SCN2A: variants seen among roughly 807,000 people sequenced by gnomAD.
The protein encoded by SCN2A is sodium voltage-gated channel alpha subunit 2.
In SCN2A, 20 loss-of-function variants were observed where a neutral mutation model predicts 188.7. The observed-to-expected ratio is 0.11, with a 90% confidence interval of 0.07 to 0.15. SCN2A has a LOEUF of 0.15. Ranked by LOEUF, SCN2A falls within the 10% of genes least tolerant of loss-of-function variation. SCN2A has a pLI of 1.00. For synonymous variants in SCN2A, 804 were observed against 833.1 expected (o/e 0.97, Z 0.60); for missense variants, 1,278 against 2,445.0 (o/e 0.52, Z 10.07).
chr2:165,380,795 A>T, intron 24 of SCN2A, 66 bp downstream of exon 24: 2 of 1,287,868 alleles, frequency 1.6e-6, no homozygotes, highest in Non-Finnish European at 2.2e-6. Context: ...TCTTTCCTTT[A>T]GCCTCCAAAA....
Position 165,380,680 on chromosome 2 carries a change from A to G in SCN2A, c.4397A>G (p.Asn1466Ser). The G allele has an allele frequency of 6.3e-7, 1 of 1,592,458 alleles. No individual in the cohort carries two copies. The change falls in exon 24 of 27, where the codon AAT (asparagine) becomes AGT (serine). Residue 1466 changes from asparagine (N) to serine (S), a missense_variant. Asn to Ser is a conservative substitution (Grantham distance 46, BLOSUM62 1). Transcript: ENST00000375437. ...ATTTTTGGTTCATTCTTTACCTTGAATCTTTTCATTGGTGTCATCATAGAT... is the reference window on the plus strand; with the variant it reads ...ATTTTTGGTTCATTCTTTACCTTGAGTCTTTTCATTGGTGTCATCATAGAT... Reference protein sequence around the residue: ...FIIFGSFFTLNLFIGVIIDNF... With the variant: ...FIIFGSFFTLSLFIGVIIDNF...
chr2:165,336,045 G>T (rs1042515333), intron 14 of SCN2A, among the ~76,000 whole-genome samples: 7 of 151,884 alleles, frequency 4.6e-5, no homozygotes, highest in Non-Finnish European at 7.4e-5. Flanking sequence ...AAACTAAAAT[G>T]AGATACCACT....
intron 1 of SCN2A, chr2:165,293,969 A>G (rs1275851936): frequency 3.1e-6 from 3 of 967,478 alleles, no homozygotes; most frequent in Non-Finnish European, 3.6e-6. Flanking sequence ...AGTTACCAGA[A>G]TCCTTTTACA....
At chr2:165,350,464 C>CTTTTTTTTTT (rs71028479) in intron 16 of SCN2A, among the ~76,000 whole-genome samples, 10 of 73,834 alleles carry the variant, frequency 1.4e-4, no homozygotes, top group Non-Finnish European at 2.0e-4. Flanking sequence ...TGTTTTCTTT[C>CTTTTTTTTTT]TTTTTTTTTT....
chr2:165,280,231 T>C (rs993738741), intron 1 of SCN2A, among the ~76,000 whole-genome samples: 2 of 152,234 alleles, frequency 1.3e-5, no homozygotes, highest in Non-Finnish European at 2.9e-5. Context: ...CTCAGACTAT[T>C]GTACAGCCTG....
rs114750483 is a variant in SCN2A, at chr2:165,360,947, T to C, written c.3400-4196T>C. Reference sequence around the variant, plus strand: ...GAGTTGTAACAGTTTCACATAGTGATCATCTCACTGTTCTAATTGGTGACT... The same window carrying C: ...GAGTTGTAACAGTTTCACATAGTGACCATCTCACTGTTCTAATTGGTGACT... On this transcript the variant is annotated intron_variant, in intron 17 of 26. Transcript: ENST00000375437. Among the ~76,000 whole-genome samples, 339 of 152,096 alleles carry C rather than the reference T, an allele frequency of 2.2e-3. 2 individuals carry two copies. The highest frequency in any genetic ancestry group is 7.8e-3 in the African/African-American group (325 of 41,566).
intron 5 of SCN2A, chr2:165,309,013 A>T: frequency 1.9e-6 from 2 of 1,064,280 alleles, no homozygotes; most frequent in Admixed American, 4.5e-5. Context: ...AAAGTTTCCC[A>T]AATAACAGAG....
chr2:165,335,074 CAA>C (rs1432371857), intron 14 of SCN2A, among the ~76,000 whole-genome samples: 1 of 151,494 alleles, frequency 6.6e-6, no homozygotes, highest in African/African-American at 2.4e-5. Flanking sequence ...TTTGTACACT[CAA>C]AGCTATAAAA....
At position 165,389,449 on chromosome 2, in the gene SCN2A, G is replaced by A; in HGVS notation, c.5643G>A (p.Glu1881=). 2.5e-6 allele frequency: 4 copies of A among 1,613,914 alleles called. No individual in the cohort carries two copies. The highest frequency in any genetic ancestry group is 1.1e-5 in the South Asian group (1 of 91,058). The change falls in exon 27 of 27, where the codon GAG becomes GAA. Residue 1881 remains glutamate (E), a synonymous_variant. Coordinates refer to ENST00000375437, the MANE Select transcript of SCN2A (RefSeq NM_001040142.2). The surrounding 1 kb of genome is among the most constrained non-coding windows in gnomAD (Gnocchi z 4.2). ...EMDALRIQME[E]RFMASNPSKV... is the part of the protein sequence containing the mutation. ...ATGCCCTTCGAATACAGATGGAAGA[G>A]CGATTCATGGCATCAAACCCCTCCA... is the stretch of plus-strand genomic sequence containing the variant.
intron 1 of SCN2A, among the ~76,000 whole-genome samples, chr2:165,293,206 A>G (rs566410759): frequency 6.1e-4 from 93 of 152,282 alleles, no homozygotes; most frequent in African/African-American, 2.2e-3. Context: ...TACATACGGT[A>G]ATTGCTGTTT....
chr2:165,257,815 G>C (rs993153654), intron 1 of SCN2A, among the ~76,000 whole-genome samples: 2 of 152,106 alleles, frequency 1.3e-5, no homozygotes, highest in African/African-American at 4.8e-5. Flanking sequence ...TGGGATAACA[G>C]GCGTGAGCCA....
In SCN2A at chr2:165,315,606, A is replaced by G. The variant is rs1553569649; in HGVS notation, c.1519A>G (p.Lys507Glu). The G allele has an allele frequency of 6.2e-7, 1 of 1,614,066 alleles. No homozygotes were observed. Among genetic ancestry groups the G allele is most frequent in the Admixed American group, 1.7e-5 (1 of 59,994 alleles). Reference sequence around the variant, plus strand: ...AAAAGAGCTGAAAAACAGAAGAAAGAAAAAGAAACAGAAAGAACAGTCTGG... The same window carrying G: ...AAAAGAGCTGAAAAACAGAAGAAAGGAAAAGAAACAGAAAGAACAGTCTGG... ...SEKELKNRRK[K>E]KKQKEQSGEE... is the part of the protein sequence containing the mutation. Residue 507 changes from lysine to glutamate, a missense_variant, in exon 11 of 27, where the codon AAA becomes GAA. This residue lies in a region of SCN2A where 315 missense variants were observed against 386.6 expected (regional missense o/e 0.81). Coordinates refer to ENST00000375437, the MANE Select transcript of SCN2A (RefSeq NM_001040142.2).
intron 1 of SCN2A, among the ~76,000 whole-genome samples, chr2:165,246,333 T>G (rs1693844362): frequency 6.6e-6 from 1 of 152,134 alleles, no homozygotes; most frequent in South Asian, 2.1e-4. Flanking sequence ...TGTAAAGTAG[T>G]TAAATTATTT....
intron 1 of SCN2A, among the ~76,000 whole-genome samples, chr2:165,291,697 G>T (rs929843365): frequency 1.3e-5 from 2 of 150,236 alleles, no homozygotes; most frequent in Non-Finnish European, 3.0e-5. Context: ...GGATCCTCCT[G>T]CCCTGATCTC....
intron 3 of SCN2A, among the ~76,000 whole-genome samples, chr2:165,306,129 G>A (rs1697114765): frequency 6.6e-6 from 1 of 152,132 alleles, no homozygotes; most frequent in Admixed American, 6.5e-5. Flanking sequence ...AAGTGGAGGC[G>A]GGGCATTGTG....
At position 165,353,119 on chromosome 2, in the gene SCN2A, A is replaced by T. The variant is rs138367436; in HGVS notation, c.2920-1073A>T. On this transcript the variant is annotated intron_variant, in intron 16 of 26. Coordinates refer to ENST00000375437, the MANE Select transcript of SCN2A (RefSeq NM_001040142.2). ...TCTTTTCACTCATTCATACTGGTGG[A>T]GCCTATTTTTAAAGACCCAATTTGC... is the stretch of plus-strand genomic sequence containing the variant. 7.9e-5 allele frequency among the ~76,000 whole-genome samples: 12 copies of T among 151,466 alleles called. No homozygotes were observed. In the East Asian group the frequency reaches 2.3e-3, roughly 29 times the overall value.
rs1045437640 is a variant in SCN2A at position 165,281,976 on chromosome 2, C to T, written c.-51-13797C>T. On this transcript the variant is annotated intron_variant, in intron 1 of 26. Coordinates refer to ENST00000375437, the MANE Select transcript of SCN2A (RefSeq NM_001040142.2). ...GATAGGTTCAACACTACCTGCACCC[C>T]TGCTCCCTGCCCAGGCCACTCAGTG... is the stretch of plus-strand genomic sequence containing the variant. 3.2e-4 allele frequency among the ~76,000 whole-genome samples: 48 copies of T among 152,156 alleles called. 1 individual carries two copies. The highest frequency in any genetic ancestry group is 2.9e-5 in the Non-Finnish European group (2 of 68,036).
intron 22 of SCN2A, 125 bp downstream of exon 22, chr2:165,375,091 C>G (rs532628336): frequency 2.3e-6 from 2 of 859,888 alleles, no homozygotes; most frequent in African/African-American, 3.4e-5. Flanking sequence ...ACAATAAATG[C>G]TGGCAAGAAT....
At chr2:165,370,410 A>G in intron 20 of SCN2A, 111 bp downstream of exon 20, 1 of 1,099,082 alleles carries the variant, frequency 9.1e-7, no homozygotes, top group Non-Finnish European at 1.4e-6. Flanking sequence ...CCCAAATATA[A>G]ATTATGTTTC....
Sources: gnomAD v4.1 joint callset for allele counts (sites outside exome capture counted in the v4.1 genomes callset) on GRCh38, gnomAD v4.1.1 for gene constraint, gnomAD v4.1.1 regional missense constraint, Gnocchi (gnomAD v3.1) non-coding constraint, MANE v1.5 for transcripts, NCBI Gene and HGNC (gene_info 2026-07-23, HGNC 2026-07-21) for gene names.